The following NF1 variants were observed in gnomAD, a reference collection of about 807,000 sequenced individuals.
NF1 encodes the protein neurofibromin.
NF1 carries 122 observed loss-of-function variants against 325.7 expected under a neutral mutation model. The observed-to-expected ratio is 0.37, with a 90% CI of 0.32 to 0.44. The LOEUF (loss-of-function observed/expected upper bound fraction) is 0.44, where lower values mean the gene tolerates loss of function less well. NF1 is among the 20% of genes least tolerant of loss of function. The pLI is 1.00. For missense variants in NF1, 2,140 were observed against 3,415.4 expected, an observed-to-expected ratio of 0.63 and a Z score of 9.31; for synonymous variants, 1,091 against 1,186.0, an observed-to-expected ratio of 0.92 and a Z score of 1.65.
chr17:31,235,490 A>G, intron 27 of NF1, 121 bp from the exon 28 acceptor site: 1 of 931,572 alleles, frequency 1.1e-6, no homozygotes, highest in Non-Finnish European at 1.8e-6. Context: ...ATCAGTCATC[A>G]TTTGCCTTAA....
In NF1 at chr17:31,181,732, A is replaced by C. The variant is rs770339628; in HGVS notation, c.677A>C (p.Asn226Thr). The change falls in exon 7 of 58, where the codon AAT (asparagine) becomes ACT (threonine). Residue 226 changes from asparagine (N) to threonine (T), a missense_variant. By Grantham distance (65) the Asn-to-Thr change is moderately conservative. Around this residue, in one of 10 missense-constraint regions of NF1, gnomAD observed 246 missense variants for 347.8 expected, o/e 0.71. Transcript: ENST00000358273. ...LEKAFWNWVE[N>T]YPDEFTKLYQ... is the part of the protein sequence containing the mutation. ...TAGGCATTTTGGAACTGGGTAGAAA[A>C]TTATCCAGATGAATTTACAAAACTG... 4 of 1,609,914 alleles carry C rather than the reference A, an allele frequency of 2.5e-6. No individual in the cohort carries two copies. The highest frequency in any genetic ancestry group is 3.4e-6 in the Non-Finnish European group (4 of 1,176,396).
chr17:31,201,281 T>G (rs2143882277), intron 10 of NF1, 122 bp downstream of exon 10: 1 of 1,492,204 alleles, frequency 6.7e-7, no homozygotes, highest in Non-Finnish European at 9.3e-7. Context: ...GTATTGATGT[T>G]CGTTTCAAGA....
intron 36 of NF1, chr17:31,318,689 T>C (rs1459846786): frequency 2.5e-6 from 4 of 1,614,034 alleles, no homozygotes; most frequent in Non-Finnish European, 2.5e-6. Flanking sequence ...TTTTCAATGC[T>C]CTGTACTGTT....
At chr17:31,162,724 T>G (rs2065783756) in intron 3 of NF1, among the ~76,000 whole-genome samples, 1 of 152,230 alleles carries the variant, frequency 6.6e-6, no homozygotes, top group African/African-American at 2.4e-5. Context: ...AAAATTACTT[T>G]GAGTAGGTAG....
At chr17:31,337,049 A>T in intron 42 of NF1, 135 bp downstream of exon 42, 1 of 881,714 alleles carries the variant, frequency 1.1e-6, no homozygotes, top group South Asian at 1.6e-5. Context: ...AATGACATGA[A>T]ATATTACCAA....
At chr17:31,261,593 G>A in intron 34 of NF1, 118 bp from the exon 35 acceptor site, 1 of 1,025,706 alleles carries the variant, frequency 9.7e-7, no homozygotes, top group South Asian at 1.3e-5. Context: ...AGGTCTTTTT[G>A]GTGCTGTTTA....
chr17:31,200,627 T>C, intron 9 of NF1, 32 bp downstream of exon 9: 3 of 1,604,530 alleles, frequency 1.9e-6, no homozygotes, highest in South Asian at 1.1e-5. Context: ...TACTACAAAC[T>C]TTAAGAAAAT....
chr17:31,275,800 A>G (rs539314360), intron 36 of NF1, among the ~76,000 whole-genome samples: 1 of 152,300 alleles, frequency 6.6e-6, no homozygotes, highest in African/African-American at 2.4e-5. Context: ...ATTTTCACTA[A>G]AGAAACTAAA....
intron 57 of NF1, among the ~76,000 whole-genome samples, chr17:31,371,338 G>C (rs1483397258): frequency 6.6e-6 from 1 of 152,002 alleles, no homozygotes; most frequent in Non-Finnish European, 1.5e-5. Context: ...GTTCTGGCAA[G>C]AGACAGAATA....
chr17:31,364,110 C>T (rs1371225686), intron 57 of NF1, among the ~76,000 whole-genome samples: 1 of 152,164 alleles, frequency 6.6e-6, no homozygotes, highest in African/African-American at 2.4e-5. Context: ...AGATTCCTAA[C>T]TCAGTCTGGC....
chr17:31,269,717 G>C (rs900758722), intron 36 of NF1, among the ~76,000 whole-genome samples: 1 of 152,192 alleles, frequency 6.6e-6, no homozygotes, highest in African/African-American at 2.4e-5. Flanking sequence ...GCTGTGGCTG[G>C]TAATGGTTTG....
intron 30 of NF1, 154 bp from the exon 31 acceptor site, chr17:31,252,784 A>G (rs537522602): frequency 1.5e-6 from 1 of 660,698 alleles, no homozygotes; most frequent in Admixed American, 2.8e-5. Flanking sequence ...CCCAGAATTA[A>G]AATTCATTCC....
At chr17:31,122,630 T>C (rs932554426) in intron 1 of NF1, among the ~76,000 whole-genome samples, 1 of 152,222 alleles carries the variant, frequency 6.6e-6, no homozygotes, top group Admixed American at 6.5e-5. Flanking sequence ...TGTCTACTTA[T>C]GGGCCAAAAG....
chr17:31,315,659 G>T (rs1297990914), intron 36 of NF1, among the ~76,000 whole-genome samples: 1 of 152,132 alleles, frequency 6.6e-6, no homozygotes, highest in Non-Finnish European at 1.5e-5. Context: ...CTTGAAAAAT[G>T]GAGATCATAA....
At chr17:31,140,339 G>A (rs373241985) in intron 1 of NF1, among the ~76,000 whole-genome samples, 9 of 152,176 alleles carry the variant, frequency 5.9e-5, no homozygotes, top group African/African-American at 1.9e-4. Flanking sequence ...AATGACAATT[G>A]TGGGATTCAA....
At chr17:31,206,153 T>A in intron 11 of NF1, 87 bp from the exon 12 acceptor site, 3 of 1,500,658 alleles carry the variant, frequency 2.0e-6, no homozygotes, top group East Asian at 2.3e-5. Flanking sequence ...GACAAAAGGA[T>A]AAAACTTAAA....
intron 29 of NF1, among the ~76,000 whole-genome samples, chr17:31,248,168 C>T (rs1046606637): frequency 6.6e-6 from 1 of 151,914 alleles, no homozygotes; most frequent in African/African-American, 2.4e-5. Context: ...CGCCATCACA[C>T]TCCAGCCTGG....
rs531165194 is a variant in NF1 at position 31,276,251 on chromosome 17, G to C, written c.4835+10912G>C. On this transcript the variant is annotated intron_variant, in intron 36 of 57. Transcript: ENST00000358273. ...AAAAAAAGGGGCACAATAAGTATTGGAATTCATTGAAATACCTCCTGTTTC... is the reference window on the plus strand; with the variant it reads ...AAAAAAAGGGGCACAATAAGTATTGCAATTCATTGAAATACCTCCTGTTTC... Among the ~76,000 whole-genome samples the C allele has an allele frequency of 3.3e-5, 5 of 149,480 alleles. No homozygotes were observed. The South Asian group carries it at 1.1e-3, about 32-fold the overall frequency.
In NF1 at chr17:31,109,394, CT is replaced by C. The variant is rs201572252; in HGVS notation, c.60+14035del. 2.8e-4 allele frequency among the ~76,000 whole-genome samples: 42 copies of C among 147,718 alleles called. No homozygotes were observed. In the South Asian group the frequency reaches 6.9e-3, roughly 24 times the overall value. On this transcript the variant is annotated intron_variant, in intron 1 of 57. Coordinates refer to ENST00000358273, the MANE Select transcript of NF1 (RefSeq NM_001042492.3). ...AGATCATTTTCTTTTTTTTCTTTTTCTTTTTTTTTTCTTTTTTGAGTCACTG... is the reference window on the plus strand; with the variant it reads ...AGATCATTTTCTTTTTTTTCTTTTTCTTTTTTTTTCTTTTTTGAGTCACTG...
Sources: allele counts gnomAD v4.1 joint callset (sites outside exome capture counted in the v4.1 genomes callset), GRCh38; gene constraint gnomAD v4.1.1; regional missense constraint gnomAD v4.1.1; transcripts MANE v1.5; gene names NCBI Gene and HGNC (gene_info 2026-07-23, HGNC 2026-07-21).